Variants in ZBTB7C observed in about 807,000 individuals in gnomAD.
The protein encoded by ZBTB7C is zinc finger and BTB domain containing 7C, also known as zinc finger and BTB domain-containing protein 7C.
ZBTB7C carries 8 observed loss-of-function variants against 25.7 expected under a neutral mutation model. That is an observed-to-expected ratio of 0.31 (90% CI 0.18 to 0.56). ZBTB7C has a LOEUF of 0.56. Among genes scored for constraint, ZBTB7C ranks in the 20% least tolerant of loss-of-function variants. The probability of loss-of-function intolerance (pLI) is 0.91; values close to 1 mark genes in which losing one functional copy is unlikely to be tolerated. For missense variants in ZBTB7C, 824 were observed against 855.2 expected, an observed-to-expected ratio of 0.96 and a Z score of 0.46; for synonymous variants, 394 against 369.0, an observed-to-expected ratio of 1.07 and a Z score of -0.78.
At chr18:48,062,393 A>G (rs929328844) in intron 3 of ZBTB7C, among the ~76,000 whole-genome samples, 1 of 151,996 alleles carries the variant, frequency 6.6e-6, no homozygotes, top group Admixed American at 6.6e-5. Flanking sequence ...GGCGCACTCT[A>G]TCACTTCTGT....
intron 2 of ZBTB7C, among the ~76,000 whole-genome samples, chr18:48,302,020 G>A (rs754011337): frequency 4.6e-5 from 7 of 151,824 alleles, no homozygotes; most frequent in Non-Finnish European, 7.4e-5. Context: ...GCCACTCCCC[G>A]GCTTTTAGGA....
intron 2 of ZBTB7C, among the ~76,000 whole-genome samples, chr18:48,234,514 G>A (rs376407376): frequency 1.9e-4 from 29 of 150,126 alleles, no homozygotes; most frequent in East Asian, 7.8e-4. Flanking sequence ...GTGTACATGC[G>A]TGTGTGTGTG....
intron 2 of ZBTB7C, among the ~76,000 whole-genome samples, chr18:48,296,160 C>A (rs147463033): frequency 1.3e-5 from 2 of 152,308 alleles, no homozygotes; most frequent in Admixed American, 1.3e-4. Flanking sequence ...TCAGCACCTG[C>A]CCAACCTCTC....
chr18:48,136,016 C>T (rs976560956), intron 3 of ZBTB7C, among the ~76,000 whole-genome samples: 5 of 152,198 alleles, frequency 3.3e-5, no homozygotes, highest in Non-Finnish European at 2.9e-5. Flanking sequence ...AAGGAGCGAC[C>T]CTGGAGCCCT....
At chr18:48,202,316 C>T (rs889285992) in intron 2 of ZBTB7C, among the ~76,000 whole-genome samples, 5 of 152,136 alleles carry the variant, frequency 3.3e-5, no homozygotes, top group Admixed American at 6.5e-5. Context: ...TGCAGCACAG[C>T]GGGGGCTGCT....
chr18:48,398,044 G>T (rs1211102743), intron 1 of ZBTB7C, among the ~76,000 whole-genome samples: 1 of 152,218 alleles, frequency 6.6e-6, no homozygotes, highest in Non-Finnish European at 1.5e-5. Flanking sequence ...TGCTGATGGA[G>T]GTCTACACTC....
intron 2 of ZBTB7C, among the ~76,000 whole-genome samples, chr18:48,276,569 C>T (rs1276319487): frequency 0.016 from 1,807 of 109,768 alleles, 61 homozygotes; most frequent in African/African-American, 0.06. Flanking sequence ...TTTGTTCTTG[C>T]GATAGTTTAC....
intron 3 of ZBTB7C, among the ~76,000 whole-genome samples, chr18:48,132,705 A>G (rs1164706887): frequency 6.6e-6 from 1 of 152,210 alleles, no homozygotes; most frequent in East Asian, 1.9e-4. Context: ...GGGCTTATGG[A>G]TGGCAAGTGT....
intron 3 of ZBTB7C, among the ~76,000 whole-genome samples, chr18:48,141,965 A>G (rs2040362813): frequency 6.6e-6 from 1 of 152,250 alleles, no homozygotes; most frequent in African/African-American, 2.4e-5. Flanking sequence ...TTAAATGCCA[A>G]TTTGAAATAA....
chr18:48,129,878 C>G (rs1444938136), intron 3 of ZBTB7C, among the ~76,000 whole-genome samples: 1 of 152,194 alleles, frequency 6.6e-6, no homozygotes, highest in Non-Finnish European at 1.5e-5. Flanking sequence ...AAGCCAAGGT[C>G]TGGAGTGTGG....
chr18:48,179,912 C>CCCTT (rs1265113799), intron 3 of ZBTB7C, among the ~76,000 whole-genome samples: 31 of 19,178 alleles, frequency 1.6e-3, no homozygotes, highest in Non-Finnish European at 1.9e-3. Flanking sequence ...CTTCCTTCCT[C>CCCTT]CCTTCCTTCC....
chr18:48,317,849 A>AGGTCCATCCCCAGATATTCTGACCCT (rs1364404442), intron 2 of ZBTB7C, among the ~76,000 whole-genome samples: 1 of 152,192 alleles, frequency 6.6e-6, no homozygotes. Context: ...CTGACCCTGT[A>AGGTCCATCCCCAGATATTCTGACCCT]GGTCTGGGGT....
chr18:48,202,442 G>A (rs565217637), intron 2 of ZBTB7C, among the ~76,000 whole-genome samples: 4 of 147,624 alleles, frequency 2.7e-5, no homozygotes, highest in African/African-American at 5.0e-5. Context: ...AGGCACAGTC[G>A]CAGGGCGGGA....
At chr18:48,295,557 A>AT (rs753422635) in intron 2 of ZBTB7C, among the ~76,000 whole-genome samples, 13 of 151,632 alleles carry the variant, frequency 8.6e-5, no homozygotes, top group Non-Finnish European at 1.0e-4. Flanking sequence ...TCAGGCTAAG[A>AT]TTGTTTTTAG....
intron 3 of ZBTB7C, chr18:48,165,264 G>T: frequency 2.0e-6 from 1 of 511,164 alleles, no homozygotes; most frequent in Non-Finnish European, 3.6e-6. Context: ...CTGTCTGGGA[G>T]AAATGTTACT....
chr18:48,374,655 A>G (rs959929653), intron 1 of ZBTB7C, among the ~76,000 whole-genome samples: 1 of 152,228 alleles, frequency 6.6e-6, no homozygotes, highest in East Asian at 1.9e-4. Context: ...AAATCTGATA[A>G]GGTGTTCACC....
intron 3 of ZBTB7C, among the ~76,000 whole-genome samples, chr18:48,145,435 C>T (rs1204988927): frequency 1.3e-5 from 2 of 152,200 alleles, no homozygotes; most frequent in Non-Finnish European, 2.9e-5. Context: ...ACTTTAGACC[C>T]CTGCCCTGAT....
chr18:48,360,731 T>G (rs752726), intron 1 of ZBTB7C, among the ~76,000 whole-genome samples: 64,022 of 151,022 alleles, frequency 0.42, 14,726 homozygotes, highest in East Asian at 0.88. Context: ...CAGGGGTGAG[T>G]GTGAGGGGAA....
intron 1 of ZBTB7C, among the ~76,000 whole-genome samples, chr18:48,347,135 T>G (rs1193375346): frequency 1.3e-4 from 19 of 144,372 alleles, no homozygotes; most frequent in African/African-American, 4.6e-4. Flanking sequence ...TTTTTTTTTT[T>G]TTTTTTTTTT....
Sources: gnomAD v4.1 joint callset for allele counts (sites outside exome capture counted in the v4.1 genomes callset) on GRCh38, gnomAD v4.1.1 for gene constraint, MANE v1.5 for transcripts, NCBI Gene and HGNC (gene_info 2026-07-23, HGNC 2026-07-21) for gene names.